The following VMP1 variants were observed in gnomAD, a reference collection of about 807,000 sequenced individuals.
VMP1 encodes the protein vacuole membrane protein 1.
A neutral mutation model predicts 56.0 loss-of-function variants in VMP1; 11 were observed. The ratio of observed to expected loss-of-function variants is 0.20; its 90% CI spans 0.12 to 0.32. VMP1 has a LOEUF of 0.32. Among genes scored for constraint, VMP1 ranks in the 10% least tolerant of loss-of-function variants. The probability of loss-of-function intolerance (pLI) is 1.00; values close to 1 mark genes in which losing one functional copy is unlikely to be tolerated. For missense variants in VMP1, 296 were observed against 490.3 expected (o/e 0.60, Z 3.74); for synonymous variants, 149 against 165.0 (o/e 0.90, Z 0.74).
chr17:59,800,670 A>T (rs1197992702), intron 7 of VMP1, among the ~76,000 whole-genome samples: 1 of 152,200 alleles, frequency 6.6e-6, no homozygotes, highest in Non-Finnish European at 1.5e-5. Context: ...ACAGTTCATA[A>T]TGGGGCTGAA....
At chr17:59,827,883 G>A (rs186012819) in intron 10 of VMP1, among the ~76,000 whole-genome samples, 15 of 152,044 alleles carry the variant, frequency 9.9e-5, no homozygotes, top group South Asian at 4.1e-4. Flanking sequence ...GCAGTGAGTC[G>A]TGTTTGTGCC....
intron 9 of VMP1, among the ~76,000 whole-genome samples, chr17:59,814,041 C>T (rs904987726): frequency 6.6e-6 from 1 of 152,004 alleles, no homozygotes; most frequent in Non-Finnish European, 1.5e-5. Context: ...AGTGTGGTGG[C>T]GTGATTTCAG....
At chr17:59,789,835 CTTTT>C (rs754631557) in intron 7 of VMP1, among the ~76,000 whole-genome samples, 38 of 85,978 alleles carry the variant, frequency 4.4e-4, no homozygotes, top group African/African-American at 5.3e-4. Flanking sequence ...CTTTCTTTCC[CTTTT>C]TTTTTTTTTT....
At chr17:59,744,979 G>T (rs941032863) in intron 5 of VMP1, among the ~76,000 whole-genome samples, 1 of 152,060 alleles carries the variant, frequency 6.6e-6, no homozygotes, top group African/African-American at 2.4e-5. Context: ...TTTGCAAGAG[G>T]TTAAGCACTA....
intron 3 of VMP1, among the ~76,000 whole-genome samples, chr17:59,736,456 C>A (rs2035020182): frequency 6.7e-6 from 1 of 149,982 alleles, no homozygotes; most frequent in African/African-American, 2.5e-5. Flanking sequence ...ATCCCAGCTA[C>A]TCAGGAAAAT....
chr17:59,733,399 A>G (rs967319162), intron 2 of VMP1, among the ~76,000 whole-genome samples: 1 of 151,768 alleles, frequency 6.6e-6, no homozygotes, highest in African/African-American at 2.4e-5. Context: ...ACCGGTTTAC[A>G]GTGTATATGC....
At chr17:59,773,713 A>G (rs767035760) in intron 6 of VMP1, 41 bp from the exon 7 acceptor site, 34 of 1,548,352 alleles carry the variant, frequency 2.2e-5, no homozygotes, top group Non-Finnish European at 2.8e-5. Flanking sequence ...GTCACTGTTG[A>G]TAACAGAACC....
At chr17:59,789,022 G>GGTA (rs2037115879) in intron 7 of VMP1, among the ~76,000 whole-genome samples, 1 of 151,384 alleles carries the variant, frequency 6.6e-6, no homozygotes, top group Non-Finnish European at 1.5e-5. Context: ...CGGGCGCCAT[G>GGTA]GCTCATGCCT....
chr17:59,768,397 G>A (rs1209033334), intron 6 of VMP1, among the ~76,000 whole-genome samples: 1 of 150,302 alleles, frequency 6.7e-6, no homozygotes, highest in Non-Finnish European at 1.5e-5. Flanking sequence ...GAGGTCAGGA[G>A]TTCGAGACCA....
At chr17:59,744,290 G>A (rs529396712) in intron 5 of VMP1, among the ~76,000 whole-genome samples, 208 of 150,760 alleles carry the variant, frequency 1.4e-3, no homozygotes, top group African/African-American at 4.7e-3. Context: ...ATGAAACCCC[G>A]TCTCTACTAA....
intron 7 of VMP1, among the ~76,000 whole-genome samples, chr17:59,797,601 G>A (rs2037489500): frequency 6.6e-6 from 1 of 152,082 alleles, no homozygotes; most frequent in Non-Finnish European, 1.5e-5. Context: ...TTCAGGCCAG[G>A]CACAGTGGCT....
chr17:59,772,240 C>T (rs2036453775), intron 6 of VMP1, among the ~76,000 whole-genome samples: 1 of 151,982 alleles, frequency 6.6e-6, no homozygotes, highest in Non-Finnish European at 1.5e-5. Context: ...GTTCACCCAC[C>T]TCGGCCTCCC....
chr17:59,784,608 A>G (rs1469025588), intron 7 of VMP1, among the ~76,000 whole-genome samples: 2 of 152,354 alleles, frequency 1.3e-5, no homozygotes, highest in East Asian at 3.9e-4. Flanking sequence ...ATGCCTGCCT[A>G]CTGTTACACA....
At chr17:59,740,698 A>C (rs1412517885) in intron 5 of VMP1, among the ~76,000 whole-genome samples, 1 of 152,214 alleles carries the variant, frequency 6.6e-6, no homozygotes, top group Admixed American at 6.5e-5. Context: ...TTTTCTAATA[A>C]CTGCATTCGT....
At chr17:59,806,899 T>G (rs999251538) in intron 7 of VMP1, among the ~76,000 whole-genome samples, 1 of 152,098 alleles carries the variant, frequency 6.6e-6, no homozygotes, top group East Asian at 1.9e-4. Flanking sequence ...AGTGTTTATA[T>G]TGACTGATCA....
At chr17:59,818,000 A>G (rs1426301843) in intron 10 of VMP1, among the ~76,000 whole-genome samples, 4 of 152,172 alleles carry the variant, frequency 2.6e-5, no homozygotes, top group South Asian at 2.1e-4. Context: ...CTATCAAGTC[A>G]TATAATTCTG....
intron 5 of VMP1, among the ~76,000 whole-genome samples, chr17:59,747,596 A>G (rs960161007): frequency 2.2e-4 from 33 of 150,922 alleles, no homozygotes; most frequent in Non-Finnish European, 4.1e-4. Flanking sequence ...TTTTTAGTAG[A>G]GATGGGGTTT....
At chr17:59,817,282 CAAAAAAAAAAAA>C (rs1209080230) in intron 9 of VMP1, among the ~76,000 whole-genome samples, 1 of 60,350 alleles carries the variant, frequency 1.7e-5, no homozygotes, top group African/African-American at 5.9e-5. Context: ...AACTCTGTCT[CAAAAAAAAAAAA>C]AAAAAAAAAA....
chr17:59,817,843 G>A, intron 10 of VMP1, 70 bp downstream of exon 10: 1 of 1,213,658 alleles, frequency 8.2e-7, no homozygotes, highest in South Asian at 1.6e-5. Context: ...GTACAAGACT[G>A]AATTGAAATA....
Sources: gnomAD v4.1 joint callset for allele counts (sites outside exome capture counted in the v4.1 genomes callset) on GRCh38, gnomAD v4.1.1 for gene constraint, MANE v1.5 for transcripts, NCBI Gene and HGNC (gene_info 2026-07-23, HGNC 2026-07-21) for gene names.